The following CADM2 variants were observed in gnomAD, a reference collection of about 807,000 sequenced individuals.
CADM2 encodes cell adhesion molecule 2.
In CADM2, 12 loss-of-function variants were observed where a neutral mutation model predicts 49.8. The observed-to-expected ratio is 0.24, with a 90% CI of 0.15 to 0.39. The LOEUF is 0.39. CADM2 is among the 10% of genes least tolerant of loss of function. The pLI is 1.00. For missense variants in CADM2, 378 were observed against 492.3 expected, an observed-to-expected ratio of 0.77 and a Z score of 2.20; for synonymous variants, 214 against 175.4, an observed-to-expected ratio of 1.22 and a Z score of -1.74.
At chr3:85,135,127 A>T (rs923759629) in intron 1 of CADM2, among the ~76,000 whole-genome samples, 11 of 152,048 alleles carry the variant, frequency 7.2e-5, no homozygotes, top group African/African-American at 2.7e-4. Context: ...AAAATCAGAG[A>T]TTATAATATA....
At chr3:85,119,741 T>G (rs2038785659) in intron 1 of CADM2, among the ~76,000 whole-genome samples, 2 of 152,226 alleles carry the variant, frequency 1.3e-5, no homozygotes, top group African/African-American at 4.8e-5. Context: ...TATTCCTAGA[T>G]GTTTTATTCT....
At chr3:85,491,947 C>G (rs9828464) in intron 1 of CADM2, among the ~76,000 whole-genome samples, 4 of 134,600 alleles carry the variant, frequency 3.0e-5, no homozygotes, top group Non-Finnish European at 6.3e-5. Context: ...GAGACTGTCT[C>G]AAAAAAAAAA....
At chr3:85,674,598 G>T (rs2065840227) in intron 1 of CADM2, among the ~76,000 whole-genome samples, 1 of 152,068 alleles carries the variant, frequency 6.6e-6, no homozygotes, top group Admixed American at 6.6e-5. Context: ...ATTAAAATGA[G>T]ATTATTTAAA....
intron 2 of CADM2, among the ~76,000 whole-genome samples, chr3:85,759,443 A>G (rs144008007): frequency 1.5e-4 from 23 of 152,240 alleles, no homozygotes; most frequent in African/African-American, 4.3e-4. Flanking sequence ...AATGTATGAT[A>G]TTGCATAAGC....
At chr3:85,666,510 A>C (rs991386431) in intron 1 of CADM2, among the ~76,000 whole-genome samples, 3 of 151,936 alleles carry the variant, frequency 2.0e-5, no homozygotes, top group Non-Finnish European at 4.4e-5. Context: ...AAAACACACA[A>C]AAAAATATTT....
chr3:85,604,670 C>G (rs1486323648), intron 1 of CADM2, among the ~76,000 whole-genome samples: 1 of 151,890 alleles, frequency 6.6e-6, no homozygotes, highest in Non-Finnish European at 1.5e-5. Context: ...TAGCAAAGAT[C>G]AATGCTAGCA....
chr3:85,963,077 A>G (rs895391697), intron 8 of CADM2, among the ~76,000 whole-genome samples: 2 of 151,918 alleles, frequency 1.3e-5, no homozygotes, highest in Admixed American at 1.3e-4. Context: ...TCATTTTGCC[A>G]AAGTTGGAAA....
intron 1 of CADM2, among the ~76,000 whole-genome samples, chr3:85,232,549 T>A (rs1461208990): frequency 6.6e-6 from 1 of 151,938 alleles, no homozygotes; most frequent in Non-Finnish European, 1.5e-5. Flanking sequence ...GTATGAAATA[T>A]AAAAAGAACA....
chr3:85,513,806 T>G (rs952144655), intron 1 of CADM2, among the ~76,000 whole-genome samples: 1 of 152,030 alleles, frequency 6.6e-6, no homozygotes, highest in African/African-American at 2.4e-5. Context: ...AGTCTAAGAT[T>G]GATAGTTATT....
At chr3:85,473,797 T>C (rs2038865651) in intron 1 of CADM2, among the ~76,000 whole-genome samples, 1 of 152,092 alleles carries the variant, frequency 6.6e-6, no homozygotes, top group Non-Finnish European at 1.5e-5. Flanking sequence ...GTTCATATAT[T>C]GAAAATATAC....
At chr3:85,280,658 A>G (rs2043477688) in intron 1 of CADM2, among the ~76,000 whole-genome samples, 1 of 151,838 alleles carries the variant, frequency 6.6e-6, no homozygotes, top group African/African-American at 2.4e-5. Flanking sequence ...ATTTAAAAAA[A>G]CTTATTAAAA....
At chr3:86,061,659 T>C (rs762274129) in intron 8 of CADM2, among the ~76,000 whole-genome samples, 27 of 152,118 alleles carry the variant, frequency 1.8e-4, no homozygotes, top group Non-Finnish European at 3.5e-4. Context: ...TGGATTTGAT[T>C]ACATAAAGTT....
chr3:85,273,656 G>A lies in CADM2; in HGVS notation c.61+313988G>A, dbSNP rs193188563. On this transcript the variant is annotated intron_variant, in intron 1 of 9. Transcript: ENST00000383699. The stretch of plus-strand genomic sequence containing the variant: ...TATGTTAAGATGGAGGAAGCTGCAG[G>A]TAGAATTGTTTGGGAAAGAAGATTA... 2.9e-3 allele frequency among the ~76,000 whole-genome samples: 437 copies of A among 150,700 alleles called. 1 individual carries two copies. The highest frequency in any genetic ancestry group is 4.4e-3 in the Non-Finnish European group (296 of 67,604).
chr3:85,314,892 T>G (rs2044428424), intron 1 of CADM2, among the ~76,000 whole-genome samples: 1 of 152,196 alleles, frequency 6.6e-6, no homozygotes, highest in Non-Finnish European at 1.5e-5. Context: ...CCACTTTCCA[T>G]GTAATATCAC....
intron 2 of CADM2, among the ~76,000 whole-genome samples, chr3:85,750,607 A>T (rs1028395255): frequency 1.3e-5 from 2 of 152,074 alleles, no homozygotes; most frequent in Admixed American, 1.3e-4. Flanking sequence ...ATATTTTATT[A>T]TTTCCCTTTC....
At chr3:86,035,499 C>A (rs529247537) in intron 8 of CADM2, among the ~76,000 whole-genome samples, 1 of 152,014 alleles carries the variant, frequency 6.6e-6, no homozygotes, top group Non-Finnish European at 1.5e-5. Flanking sequence ...AAAAAAACTA[C>A]CTCACACAAA....
At chr3:85,915,229 G>C (rs1192037277) in intron 6 of CADM2, among the ~76,000 whole-genome samples, 1 of 152,048 alleles carries the variant, frequency 6.6e-6, no homozygotes. Flanking sequence ...GAAGGCAATT[G>C]AATTATCTAA....
chr3:85,079,635 G>C (rs2037086008), intron 1 of CADM2, among the ~76,000 whole-genome samples: 1 of 151,656 alleles, frequency 6.6e-6, no homozygotes, highest in African/African-American at 2.4e-5. Flanking sequence ...ATGCAACACA[G>C]TCATTATCCT....
Position 85,886,175 on chromosome 3 carries a change from T to C in CADM2, c.392-15T>C, listed in dbSNP as rs1440668015. ...TGAAGATTGATGCTCACTTCATCAT[T>C]CGCTTAAATTTCAGGTGTTCCTGAA... On this transcript the variant is annotated splice_polypyrimidine_tract_variant and intron_variant, in intron 4 of 9. Coordinates refer to ENST00000383699, the MANE Select transcript of CADM2 (RefSeq NM_001167675.2). 1 of 1,611,938 alleles carries C rather than the reference T, an allele frequency of 6.2e-7. No individual in the cohort carries two copies. Among genetic ancestry groups the C allele is most frequent in the South Asian group, 1.1e-5 (1 of 90,878 alleles).
Sources: gnomAD v4.1 joint callset for allele counts (sites outside exome capture counted in the v4.1 genomes callset) on GRCh38, gnomAD v4.1.1 for gene constraint, MANE v1.5 for transcripts, NCBI Gene and HGNC (gene_info 2026-07-23, HGNC 2026-07-21) for gene names.